The following LINGO2 variants were observed in gnomAD, a reference collection of about 807,000 sequenced individuals.
LINGO2 encodes leucine-rich repeat and immunoglobulin-like domain-containing nogo receptor-interacting protein 2.
Under a neutral mutation model 30.6 loss-of-function variants are expected in LINGO2, and 14 were observed. The ratio of observed to expected loss-of-function variants is 0.46; its 90% confidence interval spans 0.30 to 0.72. LINGO2 has a LOEUF of 0.72. Among genes scored for constraint, LINGO2 ranks in the 30% least tolerant of loss-of-function variants. The pLI is 0.07. For synonymous variants in LINGO2, 317 were observed against 288.5 expected (o/e 1.10, Z -1.00); for missense variants, 729 against 751.7 (o/e 0.97, Z 0.35).
intron 3 of LINGO2, among the ~76,000 whole-genome samples, chr9:28,303,497 C>A (rs981864): frequency 0.15 from 22,794 of 152,046 alleles, 2,232 homozygotes; most frequent in Non-Finnish European, 0.21. Flanking sequence ...ACACCAACAT[C>A]CTCATGCAGT....
intron 4 of LINGO2, among the ~76,000 whole-genome samples, chr9:28,276,429 T>C (rs933513722): frequency 6.7e-4 from 102 of 152,342 alleles, no homozygotes; most frequent in African/African-American, 2.4e-3. Context: ...ATGTCTCAGT[T>C]ACCTCATTTT....
At chr9:28,186,660 A>G (rs1819552541) in intron 4 of LINGO2, among the ~76,000 whole-genome samples, 2 of 152,118 alleles carry the variant, frequency 1.3e-5, no homozygotes, top group Admixed American at 1.3e-4. Flanking sequence ...AAGAATCAAA[A>G]AATGTGAAGA....
chr9:28,027,610 G>A (rs958432754), intron 4 of LINGO2, among the ~76,000 whole-genome samples: 19 of 152,154 alleles, frequency 1.2e-4, no homozygotes, highest in African/African-American at 3.9e-4. Flanking sequence ...TCTTAGTAAT[G>A]TGACCTTGGG....
the LINGO2 span, among the ~76,000 whole-genome samples, chr9:29,068,425 G>T: frequency 3.3e-5 from 5 of 151,682 alleles, no homozygotes; most frequent in Non-Finnish European, 7.4e-5. Context: ...GTAATGTCTT[G>T]CAATATAAAC....
chr9:28,710,743 T>C, the LINGO2 span, among the ~76,000 whole-genome samples: 1 of 152,224 alleles, frequency 6.6e-6, no homozygotes, highest in Non-Finnish European at 1.5e-5. Flanking sequence ...GATCAGTCCT[T>C]GATTAACCCT....
chr9:28,495,566 A>G (rs58042506), intron 1 of LINGO2, among the ~76,000 whole-genome samples: 27,752 of 151,806 alleles, frequency 0.18, 2,896 homozygotes, highest in East Asian at 0.31. Context: ...GTTCTGTTCC[A>G]TTGGTCTATA....
chr9:27,983,414 T>C (rs1052356284), intron 5 of LINGO2, among the ~76,000 whole-genome samples: 1 of 151,792 alleles, frequency 6.6e-6, no homozygotes, highest in African/African-American at 2.4e-5. Flanking sequence ...ACACAGGGCA[T>C]TGACCCTGGA....
intron 2 of LINGO2, among the ~76,000 whole-genome samples, chr9:28,417,557 T>C (rs1587643256): frequency 7.4e-6 from 1 of 134,910 alleles, no homozygotes; most frequent in African/African-American, 2.5e-5. Flanking sequence ...ATGTAATACA[T>C]AGTTTGTGGT....
the LINGO2 span, among the ~76,000 whole-genome samples, chr9:28,714,826 T>C: frequency 6.6e-6 from 1 of 152,186 alleles, no homozygotes; most frequent in Admixed American, 6.6e-5. Flanking sequence ...ATATGCATTC[T>C]ACTTTATGTT....
intron 4 of LINGO2, among the ~76,000 whole-genome samples, chr9:28,124,961 T>C (rs1827197396): frequency 6.6e-6 from 1 of 152,230 alleles, no homozygotes; most frequent in Non-Finnish European, 1.5e-5. Flanking sequence ...TTATTCACAC[T>C]AAACACATAG....
chr9:27,961,684 C>A (rs573664851), intron 5 of LINGO2, among the ~76,000 whole-genome samples: 1 of 152,050 alleles, frequency 6.6e-6, no homozygotes, highest in Non-Finnish European at 1.5e-5. Context: ...GATTCCAACA[C>A]GAAAAATAGA....
At chr9:28,977,567 T>G in the LINGO2 span, among the ~76,000 whole-genome samples, 1 of 152,156 alleles carries the variant, frequency 6.6e-6, no homozygotes, top group Non-Finnish European at 1.5e-5. Context: ...ATGGCACAGT[T>G]TTGCTGCATT....
chr9:28,144,158 T>G (rs1034448412), intron 4 of LINGO2, among the ~76,000 whole-genome samples: 1 of 152,202 alleles, frequency 6.6e-6, no homozygotes, highest in Non-Finnish European at 1.5e-5. Context: ...ATCTTTAAAG[T>G]CCTTTAATAA....
the LINGO2 span, among the ~76,000 whole-genome samples, chr9:29,157,702 A>T: frequency 9.2e-5 from 14 of 152,324 alleles, no homozygotes; most frequent in African/African-American, 3.4e-4. Context: ...CTTTGAAGTC[A>T]ATAAGCAGTT....
intron 2 of LINGO2, among the ~76,000 whole-genome samples, chr9:28,408,701 A>G (rs1265985204): frequency 1.3e-5 from 2 of 151,262 alleles, no homozygotes; most frequent in South Asian, 2.1e-4. Context: ...GCACACCAAC[A>G]TGGTACATGT....
intron 5 of LINGO2, among the ~76,000 whole-genome samples, chr9:27,956,766 T>C (rs1173379127): frequency 1.3e-5 from 2 of 152,174 alleles, no homozygotes; most frequent in South Asian, 2.1e-4. Flanking sequence ...CCTACAGCTA[T>C]CTAGTTTTTT....
chr9:28,295,076 C>T (rs1027456191), intron 4 of LINGO2, 132 bp downstream of exon 6: 31 of 152,122 alleles, frequency 2.0e-4, no homozygotes, highest in African/African-American at 7.5e-4. Context: ...CAAGGGAGCC[C>T]CATTCTTTAA....
intron 4 of LINGO2, among the ~76,000 whole-genome samples, chr9:28,059,531 A>G (rs1234912398): frequency 6.6e-6 from 1 of 152,118 alleles, no homozygotes; most frequent in South Asian, 2.1e-4. Context: ...AGGGAATGCT[A>G]TGTAACCAGT....
intron 1 of LINGO2, among the ~76,000 whole-genome samples, chr9:28,622,244 T>C (rs2118632): frequency 0.093 from 14,112 of 152,002 alleles, 859 homozygotes; most frequent in East Asian, 0.19. Context: ...CTAGGTCTTA[T>C]TCATCCTTTC....
Sources: gnomAD v4.1 joint callset for allele counts (sites outside exome capture counted in the v4.1 genomes callset) on GRCh38, gnomAD v4.1.1 for gene constraint, MANE v1.5 for transcripts, NCBI Gene and HGNC (gene_info 2026-07-23, HGNC 2026-07-21) for gene names.